The following TMEM39A variants were observed in gnomAD, a reference collection of about 807,000 sequenced individuals.
TMEM39A encodes suppressor of SQST-1 aggregates in rpl-43 mutants.
A neutral mutation model predicts 51.9 loss-of-function variants in TMEM39A; 19 were observed. The ratio of observed to expected loss-of-function variants is 0.37; its 90% confidence interval spans 0.26 to 0.54. The LOEUF (loss-of-function observed/expected upper bound fraction) is 0.54, where lower values mean the gene tolerates loss of function less well. Among genes scored for constraint, TMEM39A ranks in the 20% least tolerant of loss-of-function variants. The pLI is 0.88. For synonymous variants in TMEM39A, 197 were observed against 220.2 expected (o/e 0.89, Z 0.93); for missense variants, 433 against 590.5 (o/e 0.73, Z 2.76).
intron 5 of TMEM39A, among the ~76,000 whole-genome samples, chr3:119,442,059 G>C (rs547019616): frequency 6.6e-6 from 1 of 152,136 alleles, no homozygotes; most frequent in African/African-American, 2.4e-5. Context: ...TATTATGTAC[G>C]GCTGGGTGCG....
intron 4 of TMEM39A, among the ~76,000 whole-genome samples, chr3:119,448,950 A>T (rs2081163418): frequency 6.6e-6 from 1 of 152,210 alleles, no homozygotes; most frequent in African/African-American, 2.4e-5. Context: ...GTGCTTATGA[A>T]GCTGACTAAC....
intron 2 of TMEM39A, among the ~76,000 whole-genome samples, chr3:119,461,229 T>G (rs1287325613): frequency 1.3e-5 from 2 of 151,894 alleles, no homozygotes; most frequent in Non-Finnish European, 1.5e-5. Flanking sequence ...CAGGGAGAGC[T>G]CCACTGAAAT....
At chr3:119,453,442 T>TA (rs1210589833) in intron 3 of TMEM39A, among the ~76,000 whole-genome samples, 3 of 152,192 alleles carry the variant, frequency 2.0e-5, no homozygotes, top group Non-Finnish European at 2.9e-5. Flanking sequence ...TGCATCACCA[T>TA]AAAATTTAAC....
intron 8 of TMEM39A, among the ~76,000 whole-genome samples, chr3:119,432,525 G>T (rs758351623): frequency 1.3e-5 from 2 of 151,926 alleles, no homozygotes; most frequent in African/African-American, 4.8e-5. Context: ...TTTTATTTAG[G>T]ATAAACACAA....
chr3:119,460,438 T>A (rs963641731), intron 2 of TMEM39A, among the ~76,000 whole-genome samples: 2 of 152,176 alleles, frequency 1.3e-5, no homozygotes, highest in Non-Finnish European at 2.9e-5. Context: ...TCAGTTCTTT[T>A]TAATAGCAGA....
intron 5 of TMEM39A, 173 bp downstream of exon 5, chr3:119,446,845 T>C (rs771052098): frequency 1.8e-5 from 13 of 727,072 alleles, no homozygotes; most frequent in Admixed American, 3.0e-5. Context: ...GTCCCAACTG[T>C]ACTCCAGTTT....
At chr3:119,446,804 T>A in intron 5 of TMEM39A, 1 of 497,120 alleles carries the variant, frequency 2.0e-6, no homozygotes, top group Non-Finnish European at 3.5e-6. Context: ...ACATTCCAGG[T>A]TTCCCAGGAC....
chr3:119,432,315 T>C (rs568797172), intron 8 of TMEM39A, 101 bp from the exon 9 acceptor site: 1 of 761,736 alleles, frequency 1.3e-6, no homozygotes, highest in Admixed American at 3.0e-5. Context: ...ATTTACAGGT[T>C]CCCATATATA....
chr3:119,440,076 A>C (rs1410392837), intron 5 of TMEM39A, among the ~76,000 whole-genome samples: 1 of 152,178 alleles, frequency 6.6e-6, no homozygotes, highest in Non-Finnish European at 1.5e-5. Flanking sequence ...ACAGAGAAGA[A>C]GTATTAGACA....
chr3:119,442,923 G>A (rs577292144), intron 5 of TMEM39A, among the ~76,000 whole-genome samples: 24 of 151,872 alleles, frequency 1.6e-4, no homozygotes, highest in African/African-American at 2.7e-4. Context: ...AAAATTAGCC[G>A]GGTGTGGTGG....
At chr3:119,451,368 T>C in intron 4 of TMEM39A, 1 of 1,071,970 alleles carries the variant, frequency 9.3e-7, no homozygotes, top group Non-Finnish European at 1.3e-6. Flanking sequence ...TATTTGTGAT[T>C]ATAGTAACTA....
chr3:119,448,716 TAA>T (rs935360399), intron 4 of TMEM39A, among the ~76,000 whole-genome samples: 2 of 152,208 alleles, frequency 1.3e-5, no homozygotes, highest in Non-Finnish European at 2.9e-5. Flanking sequence ...CAAAGCTTAG[TAA>T]AGTTATTTAA....
At chr3:119,446,325 G>A (rs1002463370) in intron 5 of TMEM39A, among the ~76,000 whole-genome samples, 2 of 152,154 alleles carry the variant, frequency 1.3e-5, no homozygotes, top group African/African-American at 2.4e-5. Flanking sequence ...GTGAACACAA[G>A]CCCTGTGACA....
intron 4 of TMEM39A, among the ~76,000 whole-genome samples, chr3:119,448,429 G>C (rs999514669): frequency 1.3e-5 from 2 of 152,052 alleles, no homozygotes; most frequent in Non-Finnish European, 2.9e-5. Flanking sequence ...AGCTTTTCAG[G>C]TCCCTCCTAT....
chr3:119,436,586 T>A (rs554864840), intron 7 of TMEM39A: 66 of 513,096 alleles, frequency 1.3e-4, no homozygotes, highest in Non-Finnish European at 2.0e-4. Flanking sequence ...AGCTGAAAGG[T>A]AGAACGCATT....
At position 119,434,734 on chromosome 3, in the gene TMEM39A, T is replaced by C; in HGVS notation, c.1233+28A>G. On this transcript the variant is annotated intron_variant, in intron 8 of 8. Transcript: ENST00000319172. ...CTCCTAACACTTACCCCTAAGCTTA[T>C]GTTTGAAAATAAATAAGCGGTACTT... is the stretch of plus-strand genomic sequence containing the variant. 1.9e-6 allele frequency: 3 copies of C among 1,612,306 alleles called. No individual in the cohort carries two copies. The South Asian group carries it at 3.3e-5, about 18-fold the overall frequency.
chr3:119,436,491 T>C (rs2080969342), intron 7 of TMEM39A: 1 of 240,036 alleles, frequency 4.2e-6, no homozygotes, highest in Admixed American at 5.1e-5. Flanking sequence ...TATGACTCTT[T>C]GAATTCGGGC....
chr3:119,435,784 C>T (rs2080960916), intron 7 of TMEM39A: 1 of 1,203,188 alleles, frequency 8.3e-7, no homozygotes, highest in Non-Finnish European at 1.1e-6. Context: ...CACCTCATGG[C>T]CATGTGCCAT....
At chr3:119,439,417 C>T (rs1029166899) in intron 5 of TMEM39A, among the ~76,000 whole-genome samples, 3 of 151,966 alleles carry the variant, frequency 2.0e-5, no homozygotes, top group Non-Finnish European at 2.9e-5. Flanking sequence ...TCTGTCTCTA[C>T]TAATAATACA....
Sources: gnomAD v4.1 joint callset for allele counts (sites outside exome capture counted in the v4.1 genomes callset) on GRCh38, gnomAD v4.1.1 for gene constraint, MANE v1.5 for transcripts, NCBI Gene and HGNC (gene_info 2026-07-23, HGNC 2026-07-21) for gene names.